Variants in GPC5 observed in about 807,000 individuals in gnomAD.
GPC5 encodes the protein glypican-5.
In GPC5, 47 loss-of-function variants were observed where a neutral mutation model predicts 53.9. The observed-to-expected ratio is 0.87, with a 90% CI of 0.69 to 1.11. The LOEUF (loss-of-function observed/expected upper bound fraction) is 1.11, where lower values mean the gene tolerates loss of function less well. Ranked by LOEUF, GPC5 falls within the 50% of genes most tolerant of loss-of-function variation. The probability of loss-of-function intolerance (pLI) is 0.00; values close to 1 mark genes in which losing one functional copy is unlikely to be tolerated. For missense variants in GPC5, 748 were observed against 713.1 expected, an observed-to-expected ratio of 1.05 and a Z score of -0.56; for synonymous variants, 286 against 263.3, an observed-to-expected ratio of 1.09 and a Z score of -0.84.
chr13:91,676,669 G>A (rs2035391443), intron 2 of GPC5, among the ~76,000 whole-genome samples: 1 of 152,094 alleles, frequency 6.6e-6, no homozygotes, highest in Non-Finnish European at 1.5e-5. Context: ...TAATCATTCT[G>A]GAACAGTGAA....
chr13:91,695,446 T>A (rs1173546765), intron 3 of GPC5, among the ~76,000 whole-genome samples: 1 of 152,124 alleles, frequency 6.6e-6, no homozygotes, highest in East Asian at 1.9e-4. Context: ...TGATCTCAGC[T>A]CACTGCAAGC....
intron 1 of GPC5, among the ~76,000 whole-genome samples, chr13:91,404,767 C>A (rs1877196419): frequency 6.6e-6 from 1 of 152,102 alleles, no homozygotes; most frequent in Non-Finnish European, 1.5e-5. Flanking sequence ...TGTATGTTTT[C>A]TTAAAAATTT....
rs1405407078 is a variant in GPC5, at chr13:92,758,177, T to G, written c.1562-108105T>G. On this transcript the variant is annotated intron_variant, in intron 7 of 7. Coordinates refer to ENST00000377067, the MANE Select transcript of GPC5 (RefSeq NM_004466.6). ...ATAAAAAATGATGAGTTCATGTCCTTTGTAGGGACATGGATGAAATTGGAA... is the reference window on the plus strand; with the variant it reads ...ATAAAAAATGATGAGTTCATGTCCTGTGTAGGGACATGGATGAAATTGGAA... Among the ~76,000 whole-genome samples, 3 of 149,902 alleles carry G rather than the reference T, an allele frequency of 2.0e-5. No homozygotes were observed. In the Admixed American group the frequency reaches 2.0e-4, roughly 10 times the overall value.
intron 7 of GPC5, among the ~76,000 whole-genome samples, chr13:92,315,861 G>C (rs1208135371): frequency 6.6e-6 from 1 of 152,184 alleles, no homozygotes; most frequent in Non-Finnish European, 1.5e-5. Flanking sequence ...TTTATGCAAA[G>C]ACAACTCAGT....
At chr13:91,499,184 A>T (rs1339925688) in intron 2 of GPC5, among the ~76,000 whole-genome samples, 1 of 152,134 alleles carries the variant, frequency 6.6e-6, no homozygotes, top group African/African-American at 2.4e-5. Flanking sequence ...TTTCCACCTC[A>T]GGTAACAGGA....
chr13:92,064,121 C>G (rs2041146031), intron 6 of GPC5, among the ~76,000 whole-genome samples: 1 of 152,092 alleles, frequency 6.6e-6, no homozygotes, highest in African/African-American at 2.4e-5. Context: ...GACATAGACA[C>G]AAAGGTTTTA....
chr13:92,775,435 T>C (rs1165402769), intron 7 of GPC5, among the ~76,000 whole-genome samples: 1 of 152,190 alleles, frequency 6.6e-6, no homozygotes, highest in South Asian at 2.1e-4. Flanking sequence ...AATTATGGTA[T>C]ATATTTGTCA....
intron 5 of GPC5, among the ~76,000 whole-genome samples, chr13:91,787,146 A>C (rs2037892750): frequency 6.6e-6 from 1 of 152,168 alleles, no homozygotes; most frequent in African/African-American, 2.4e-5. Flanking sequence ...TCTGTAAATA[A>C]AGACAGTTTT....
At chr13:91,643,424 A>G (rs573501458) in intron 2 of GPC5, among the ~76,000 whole-genome samples, 21 of 152,344 alleles carry the variant, frequency 1.4e-4, no homozygotes, top group African/African-American at 4.8e-4. Flanking sequence ...AAATTGAGAT[A>G]TGCTATGATG....
chr13:92,717,049 G>A (rs557918254), intron 7 of GPC5, among the ~76,000 whole-genome samples: 133 of 151,566 alleles, frequency 8.8e-4, no homozygotes, highest in African/African-American at 3.2e-3. Flanking sequence ...AGCCCTGTTC[G>A]AATTCACTCC....
chr13:92,701,019 C>CTGTT (rs1232750357), intron 7 of GPC5, among the ~76,000 whole-genome samples: 1 of 151,980 alleles, frequency 6.6e-6, no homozygotes, highest in African/African-American at 2.4e-5. Context: ...CAATTCTTTG[C>CTGTT]TGTTTCCCCC....
chr13:92,072,125 A>C (rs1188828572), intron 6 of GPC5, among the ~76,000 whole-genome samples: 1 of 147,076 alleles, frequency 6.8e-6, no homozygotes, highest in Admixed American at 6.8e-5. Flanking sequence ...AATGATTAAT[A>C]AAATGATCAT....
At chr13:92,488,321 A>G (rs1482522500) in intron 7 of GPC5, among the ~76,000 whole-genome samples, 1 of 152,210 alleles carries the variant, frequency 6.6e-6, no homozygotes, top group African/African-American at 2.4e-5. Context: ...TTTATGCATC[A>G]CTTTTCCGTG....
At chr13:91,722,597 T>C (rs2036497154) in intron 3 of GPC5, among the ~76,000 whole-genome samples, 1 of 152,226 alleles carries the variant, frequency 6.6e-6, no homozygotes, top group Non-Finnish European at 1.5e-5. Flanking sequence ...TGCTTCTCCC[T>C]GTCTTTCCCT....
chr13:92,207,945 A>T (rs2042349233), intron 7 of GPC5, among the ~76,000 whole-genome samples: 1 of 152,212 alleles, frequency 6.6e-6, no homozygotes, highest in African/African-American at 2.4e-5. Flanking sequence ...GCTATTTGTA[A>T]CAATTAAACT....
At chr13:92,220,482 G>A (rs752055579) in intron 7 of GPC5, among the ~76,000 whole-genome samples, 1 of 152,154 alleles carries the variant, frequency 6.6e-6, no homozygotes, top group African/African-American at 2.4e-5. Context: ...CAAAGATTAA[G>A]TGAATCAATA....
chr13:92,044,991 C>G (rs1219259905), intron 6 of GPC5, among the ~76,000 whole-genome samples: 51 of 152,024 alleles, frequency 3.4e-4, no homozygotes, highest in Admixed American at 3.3e-3. Flanking sequence ...ATTTCTGAAC[C>G]TATTTGGAAA....
intron 7 of GPC5, among the ~76,000 whole-genome samples, chr13:92,771,356 CT>C (rs1377827499): frequency 6.6e-6 from 1 of 152,016 alleles, no homozygotes; most frequent in Non-Finnish European, 1.5e-5. Context: ...TCCAGTTTTT[CT>C]TTCGAGACAG....
At chr13:92,774,322 C>T (rs920215448) in intron 7 of GPC5, among the ~76,000 whole-genome samples, 14 of 152,198 alleles carry the variant, frequency 9.2e-5, no homozygotes, top group African/African-American at 1.4e-4. Context: ...TAGCACCTTT[C>T]ATTCTTGCCT....
Sources: allele counts gnomAD v4.1 joint callset (sites outside exome capture counted in the v4.1 genomes callset), GRCh38; gene constraint gnomAD v4.1.1; transcripts MANE v1.5; gene names NCBI Gene and HGNC (gene_info 2026-07-23, HGNC 2026-07-21).